ACOT12: variants seen among roughly 807,000 people sequenced by gnomAD.
ACOT12 encodes acyl-CoA thioesterase 12.
Under a neutral mutation model 67.7 loss-of-function variants are expected in ACOT12, and 51 were observed. The observed-to-expected ratio is 0.75, with a 90% confidence interval of 0.60 to 0.95. ACOT12 has a LOEUF of 0.95. Ranked by LOEUF, ACOT12 falls within the 40% of genes least tolerant of loss-of-function variation. The pLI is 0.00. For missense variants in ACOT12, 734 were observed against 708.1 expected (o/e 1.04, Z -0.41); for synonymous variants, 251 against 244.6 (o/e 1.03, Z -0.24).
intron 2 of ACOT12, among the ~76,000 whole-genome samples, chr5:81,382,209 C>G (rs1322569480): frequency 6.6e-6 from 1 of 152,136 alleles, no homozygotes; most frequent in Non-Finnish European, 1.5e-5. Flanking sequence ...ATTTCTAATT[C>G]TGTCCGCTGA....
chr5:81,349,701 G>C (rs1433043786), intron 5 of ACOT12, among the ~76,000 whole-genome samples: 1 of 152,074 alleles, frequency 6.6e-6, no homozygotes, highest in African/African-American at 2.4e-5. Flanking sequence ...TTGGTGCAGG[G>C]ACTATGGATT....
rs752540904 is a variant in ACOT12 at position 81,394,014 on chromosome 5, C to T, written c.101G>A (p.Trp34Ter). ...CGCCAGGCAGGCGGTGGTGTCGATCCACTTGAGCAGCTGCCCCGCGCTCAG... is the reference window on the plus strand; with the variant it reads ...CGCCAGGCAGGCGGTGGTGTCGATCTACTTGAGCAGCTGCCCCGCGCTCAG... ...GELSAGQLLK[W>*]IDTTACLAAE... is the part of the protein sequence containing the mutation. The change falls in exon 1 of 15, where the codon TGG (tryptophan) becomes TAG (stop). Residue 34 changes from tryptophan (W) to a stop codon, truncating the protein, a stop_gained. Transcript: ENST00000307624. LOFTEE classifies it high-confidence loss of function. 1.9e-5 allele frequency: 28 copies of T among 1,450,202 alleles called. No homozygotes were observed. The highest frequency in any genetic ancestry group is 2.5e-5 in the Non-Finnish European group (28 of 1,105,500). The allele number at this position is 1,450,202 out of a possible 1,614,324, so 89.8% of individuals were successfully genotyped here. A position where few individuals can be genotyped will look rare whatever the true frequency, so the allele number is the denominator to read the frequency against.
intron 2 of ACOT12, among the ~76,000 whole-genome samples, chr5:81,380,821 T>A (rs1206635329): frequency 6.6e-6 from 1 of 152,140 alleles, no homozygotes; most frequent in Non-Finnish European, 1.5e-5. Flanking sequence ...GGGTGTGTTC[T>A]GAGAAATGCT....
chr5:81,348,853 C>T (rs981706500), intron 5 of ACOT12, among the ~76,000 whole-genome samples: 4 of 152,222 alleles, frequency 2.6e-5, no homozygotes, highest in South Asian at 2.1e-4. Context: ...CGTGAGCCAC[C>T]GCGCCTAGCT....
Position 81,348,024 on chromosome 5 carries a change from T to A in ACOT12, c.497-94A>T, listed in dbSNP as rs559296010. ...TCCCGGCAGTACATTCAACTCGGATTTATAGAAAAATTAAAGTGTTCTCAA... is the reference window on the plus strand; with the variant it reads ...TCCCGGCAGTACATTCAACTCGGATATATAGAAAAATTAAAGTGTTCTCAA... On this transcript the variant is annotated intron_variant, in intron 5 of 14. Coordinates refer to ENST00000307624, the MANE Select transcript of ACOT12 (RefSeq NM_130767.3). 104 of 1,388,152 alleles carry A rather than the reference T, an allele frequency of 7.5e-5. No individual in the cohort carries two copies. In the Middle Eastern group the frequency reaches 7.6e-4, roughly 10 times the overall value. The allele number at this position is 1,388,152 out of a possible 1,614,324, so 86.0% of individuals were successfully genotyped here.
At chr5:81,342,401 T>G (rs570541890) in intron 11 of ACOT12, among the ~76,000 whole-genome samples, 1 of 152,042 alleles carries the variant, frequency 6.6e-6, no homozygotes, top group African/African-American at 2.4e-5. Context: ...CTAGATCAGG[T>G]GGGATTTGGG....
At chr5:81,359,464 T>C (rs1759833392) in intron 5 of ACOT12, among the ~76,000 whole-genome samples, 1 of 152,188 alleles carries the variant, frequency 6.6e-6, no homozygotes, top group Admixed American at 6.5e-5. Flanking sequence ...TCATACCCCA[T>C]ATGATCTTTA....
In ACOT12 at chr5:81,393,495, C is replaced by A. The variant is rs1269939751; in HGVS notation, c.127+493G>T. Among the ~76,000 whole-genome samples, 3 of 152,170 alleles carry A rather than the reference C, an allele frequency of 2.0e-5. No individual in the cohort carries two copies. The East Asian group carries it at 5.8e-4, about 29-fold the overall frequency. ...CACTTCAGGATCACTTGAGTCCAGG[C>A]GTTTGAGACCAGCCTGGGCAACATA... On this transcript the variant is annotated intron_variant, in intron 1 of 14. Coordinates refer to ENST00000307624, the MANE Select transcript of ACOT12 (RefSeq NM_130767.3).
chr5:81,354,422 T>C (rs1037576124), intron 5 of ACOT12, among the ~76,000 whole-genome samples: 2 of 152,206 alleles, frequency 1.3e-5, no homozygotes, highest in African/African-American at 4.8e-5. Context: ...TTTCACTTAT[T>C]AGTGCAACTT....
intron 1 of ACOT12, among the ~76,000 whole-genome samples, chr5:81,388,689 G>C (rs1760791587): frequency 6.6e-6 from 1 of 152,202 alleles, no homozygotes. Context: ...GGATGAGCTA[G>C]AGGTTAATTA....
chr5:81,355,052 C>T (rs1244984125), intron 5 of ACOT12, among the ~76,000 whole-genome samples: 11 of 152,148 alleles, frequency 7.2e-5, no homozygotes, highest in African/African-American at 2.4e-5. Flanking sequence ...AAAAACAATG[C>T]CCCTTGACTT....
chr5:81,353,374 T>C (rs1184127996), intron 5 of ACOT12, among the ~76,000 whole-genome samples: 1 of 152,246 alleles, frequency 6.6e-6, no homozygotes, highest in Non-Finnish European at 1.5e-5. Context: ...GAACTCACCC[T>C]TTCTGCTGGC....
chr5:81,374,495 T>C (rs1027594799), intron 2 of ACOT12, among the ~76,000 whole-genome samples: 2 of 152,014 alleles, frequency 1.3e-5, no homozygotes, highest in Admixed American at 6.6e-5. Flanking sequence ...ATGAGTTTGA[T>C]GAATTGACAG....
At chr5:81,341,636 G>A (rs1050067305) in intron 11 of ACOT12, among the ~76,000 whole-genome samples, 3 of 152,186 alleles carry the variant, frequency 2.0e-5, no homozygotes, top group East Asian at 1.9e-4. Flanking sequence ...AGTGCCAGGC[G>A]CTCCTATGGT....
intron 2 of ACOT12, among the ~76,000 whole-genome samples, chr5:81,373,639 C>T (rs903204121): frequency 1.3e-4 from 20 of 152,200 alleles, no homozygotes; most frequent in African/African-American, 4.8e-4. Flanking sequence ...TCGCTGCCAG[C>T]ACAGCAGTCT....
At chr5:81,335,033 G>C (rs1758952731) in intron 12 of ACOT12, among the ~76,000 whole-genome samples, 1 of 152,220 alleles carries the variant, frequency 6.6e-6, no homozygotes, top group South Asian at 2.1e-4. Flanking sequence ...TCACAGAAAA[G>C]TAAGGAACTG....
chr5:81,375,164 A>G (rs1760371584), intron 2 of ACOT12, among the ~76,000 whole-genome samples: 1 of 152,258 alleles, frequency 6.6e-6, no homozygotes, highest in Non-Finnish European at 1.5e-5. Context: ...CCTGCAAGCC[A>G]GAAGAGAGTG....
intron 5 of ACOT12, among the ~76,000 whole-genome samples, chr5:81,356,033 C>T (rs779400804): frequency 4.6e-5 from 7 of 152,132 alleles, no homozygotes; most frequent in Non-Finnish European, 8.8e-5. Flanking sequence ...CCATGAGGCT[C>T]GCAGCTCTAC....
rs1403201827 is a variant in ACOT12, at chr5:81,394,016, C to T, written c.99G>A (p.Lys33=). 2 of 1,453,224 alleles carry T rather than the reference C, an allele frequency of 1.4e-6. No homozygotes were observed. The highest frequency in any genetic ancestry group is 2.4e-4 in the Middle Eastern group (1 of 4,224). 90.0% of individuals were successfully genotyped at this position (1,453,224 alleles called of 1,614,324 possible). A position where few individuals can be genotyped will look rare whatever the true frequency, so the allele number is the denominator to read the frequency against. ...CCAGGCAGGCGGTGGTGTCGATCCA[C>T]TTGAGCAGCTGCCCCGCGCTCAGCT... ...RGELSAGQLL[K]WIDTTACLAA... is the part of the protein sequence containing the mutation. The change falls in exon 1 of 15, where the codon AAG becomes AAA. Residue 33 remains lysine, a synonymous_variant. Transcript: ENST00000307624.
Sources: allele counts gnomAD v4.1 joint callset (sites outside exome capture counted in the v4.1 genomes callset), GRCh38; gene constraint gnomAD v4.1.1; transcripts MANE v1.5; gene names NCBI Gene and HGNC (gene_info 2026-07-23, HGNC 2026-07-21).